The following SIK3 variants were observed in gnomAD, a reference collection of about 807,000 sequenced individuals.
The protein encoded by SIK3 is serine/threonine-protein kinase SIK3.
SIK3 carries 28 observed loss-of-function variants against 144.2 expected under a neutral mutation model. The observed-to-expected ratio is 0.19, with a 90% CI of 0.14 to 0.27. The LOEUF is 0.27. Among genes scored for constraint, SIK3 ranks in the 10% least tolerant of loss-of-function variants. The pLI is 1.00. For missense variants in SIK3, 1,319 were observed against 1,776.0 expected (o/e 0.74, Z 4.62); for synonymous variants, 686 against 676.3 (o/e 1.01, Z -0.22).
At chr11:117,026,039 C>A (rs1951995203) in intron 1 of SIK3, among the ~76,000 whole-genome samples, 1 of 151,846 alleles carries the variant, frequency 6.6e-6, no homozygotes, top group Admixed American at 6.6e-5. Flanking sequence ...AAATGTAAAC[C>A]CAAGGAATTG....
chr11:116,865,397 T>C (rs1326389836), intron 15 of SIK3, among the ~76,000 whole-genome samples: 1 of 152,180 alleles, frequency 6.6e-6, no homozygotes, highest in African/African-American at 2.4e-5. Flanking sequence ...TCCAGCACAG[T>C]AACCTCAGAG....
At chr11:116,907,774 C>A (rs1468041936) in intron 4 of SIK3, among the ~76,000 whole-genome samples, 8 of 152,106 alleles carry the variant, frequency 5.3e-5, no homozygotes, top group African/African-American at 1.9e-4. Flanking sequence ...AGGAATACTG[C>A]GTCAAGTTTC....
chr11:116,857,995 T>C lies in SIK3; in HGVS notation c.3470A>G (p.Gln1157Arg). 1.2e-6 allele frequency: 2 copies of C among 1,614,218 alleles called. No homozygotes were observed. Among genetic ancestry groups the C allele is most frequent in the African/African-American group, 2.7e-5 (2 of 75,072 alleles). Residue 1157 changes from glutamine (Q) to arginine (R), a missense_variant, in exon 21 of 25, where the codon CAA becomes CGA. Transcript: ENST00000445177. ...CSCEGAKDGF[Q>R]DSKSSSTLTK... ...CAATGTACTTGAACTCTTACTGTCTTGGAAGCCATCCTTGGCCCCCTCACA... is the reference window on the plus strand; with the variant it reads ...CAATGTACTTGAACTCTTACTGTCTCGGAAGCCATCCTTGGCCCCCTCACA...
At chr11:116,974,915 T>G (rs150204789) in intron 1 of SIK3, among the ~76,000 whole-genome samples, 127 of 152,304 alleles carry the variant, frequency 8.3e-4, no homozygotes, top group African/African-American at 2.6e-3. Flanking sequence ...CTAAGTGAAC[T>G]GTGGTAGCTC....
chr11:117,066,239 T>C (rs891957326), intron 1 of SIK3, among the ~76,000 whole-genome samples: 6 of 151,936 alleles, frequency 3.9e-5, no homozygotes, highest in African/African-American at 1.5e-4. Flanking sequence ...TGGCTAATTT[T>C]TGTATTTTCA....
intron 1 of SIK3, among the ~76,000 whole-genome samples, chr11:117,075,471 G>T (rs1423064095): frequency 6.6e-6 from 1 of 151,950 alleles, no homozygotes; most frequent in Non-Finnish European, 1.5e-5. Flanking sequence ...TTCCTTCTAG[G>T]CAAACTTCCT....
chr11:116,884,592 C>T (rs1944718143), intron 6 of SIK3, among the ~76,000 whole-genome samples: 1 of 151,804 alleles, frequency 6.6e-6, no homozygotes, highest in South Asian at 2.1e-4. Context: ...ATCTCCTGAC[C>T]TCGTGATCTG....
intron 1 of SIK3, among the ~76,000 whole-genome samples, chr11:116,970,434 T>C (rs1302202815): frequency 6.6e-6 from 1 of 152,230 alleles, no homozygotes; most frequent in East Asian, 1.9e-4. Context: ...CTACTAGTCA[T>C]ACAACTCTCA....
At chr11:116,975,530 A>G (rs1211841076) in intron 1 of SIK3, among the ~76,000 whole-genome samples, 1 of 152,196 alleles carries the variant, frequency 6.6e-6, no homozygotes, top group Non-Finnish European at 1.5e-5. Flanking sequence ...ACCTTGCAGC[A>G]TGTATCAGTA....
intron 3 of SIK3, among the ~76,000 whole-genome samples, chr11:116,940,236 T>G (rs1013535924): frequency 5.4e-4 from 82 of 151,224 alleles, no homozygotes; most frequent in South Asian, 2.7e-3. Context: ...TTTTTGTTTT[T>G]TTTTTTTTTT....
intron 4 of SIK3, among the ~76,000 whole-genome samples, chr11:116,908,619 CAA>C (rs929519996): frequency 4.0e-5 from 6 of 151,828 alleles, no homozygotes; most frequent in Admixed American, 2.0e-4. Flanking sequence ...GAAAAATGAG[CAA>C]AAGACTATTG....
At chr11:116,967,175 T>C (rs1949589778) in intron 1 of SIK3, among the ~76,000 whole-genome samples, 1 of 152,198 alleles carries the variant, frequency 6.6e-6, no homozygotes, top group South Asian at 2.1e-4. Flanking sequence ...TGCTACTCTT[T>C]CCTGGAATGC....
At chr11:117,011,646 A>G (rs1191537062) in intron 1 of SIK3, among the ~76,000 whole-genome samples, 1 of 152,162 alleles carries the variant, frequency 6.6e-6, no homozygotes, top group Non-Finnish European at 1.5e-5. Flanking sequence ...GGATTCACAT[A>G]AAAAATTCTG....
chr11:117,047,346 C>T (rs1953015283), intron 1 of SIK3, among the ~76,000 whole-genome samples: 1 of 152,070 alleles, frequency 6.6e-6, no homozygotes. Flanking sequence ...GGATTTTATA[C>T]CTCATAGAAA....
intron 1 of SIK3, among the ~76,000 whole-genome samples, chr11:116,969,093 A>G (rs1949671292): frequency 6.6e-6 from 1 of 152,002 alleles, no homozygotes. Context: ...GATTGAGACC[A>G]TCCTGGCTAA....
At chr11:116,863,902 A>G (rs1253541363) in intron 15 of SIK3, 84 bp from the exon 16 acceptor site, 1 of 1,406,032 alleles carries the variant, frequency 7.1e-7, no homozygotes, top group Non-Finnish European at 9.6e-7. Flanking sequence ...CCAGATGAAC[A>G]TAAAGACGGC....
chr11:117,021,451 G>T (rs773295722), intron 1 of SIK3, among the ~76,000 whole-genome samples: 120 of 152,096 alleles, frequency 7.9e-4, no homozygotes, highest in Non-Finnish European at 1.4e-3. Context: ...TCCGTAGCAC[G>T]CTGATGAGGT....
chr11:116,846,953 C>A lies in SIK3; in HGVS notation c.3953-400G>T, dbSNP rs1360500101. ...CAGACACTGTGCTAAGCACTTGATA[C>A]TCACTAAGCCAGCCAGCCCTCAGGG... On this transcript the variant is annotated intron_variant, in intron 23 of 24. Coordinates refer to ENST00000445177, the MANE Select transcript of SIK3 (RefSeq NM_001366686.3). This position sits in a 1 kb window ranked among gnomAD's most constrained non-coding sequence, Gnocchi z 4.1. Among the ~76,000 whole-genome samples, 1 of 152,196 alleles carries A rather than the reference C, an allele frequency of 6.6e-6. No homozygotes were observed. The highest frequency in any genetic ancestry group is 1.5e-5 in the Non-Finnish European group (1 of 68,038).
intron 1 of SIK3, among the ~76,000 whole-genome samples, chr11:117,085,189 G>A (rs573200137): frequency 1.4e-4 from 21 of 151,862 alleles, no homozygotes; most frequent in Non-Finnish European, 2.9e-4. Context: ...ATAGTTTACT[G>A]CACTGTAATC....
Sources: gnomAD v4.1 joint callset for allele counts (sites outside exome capture counted in the v4.1 genomes callset) on GRCh38, gnomAD v4.1.1 for gene constraint, Gnocchi (gnomAD v3.1) non-coding constraint, MANE v1.5 for transcripts, NCBI Gene and HGNC (gene_info 2026-07-23, HGNC 2026-07-21) for gene names.